CCDC3: variants seen among roughly 807,000 people sequenced by gnomAD.
CCDC3 encodes coiled-coil domain containing 3, also known as coiled-coil domain-containing protein 3.
CCDC3 carries 24 observed loss-of-function variants against 21.4 expected under a neutral mutation model. That is an observed-to-expected ratio of 1.12 (90% confidence interval 0.81 to 1.58). The LOEUF (loss-of-function observed/expected upper bound fraction) is 1.58. Ranked by LOEUF, CCDC3 falls within the 40% of genes most tolerant of loss-of-function variation. The pLI is 0.00. For missense variants in CCDC3, 425 were observed against 360.9 expected (o/e 1.18, Z -1.44); for synonymous variants, 186 against 166.0 (o/e 1.12, Z -0.93).
At chr10:12,955,876 A>G (rs999803907) in intron 2 of CCDC3, among the ~76,000 whole-genome samples, 2 of 151,970 alleles carry the variant, frequency 1.3e-5, no homozygotes, top group Admixed American at 1.3e-4. Flanking sequence ...TGCCTGGCTA[A>G]TTTTATATTT....
At chr10:12,979,670 C>A (rs1481291130) in intron 2 of CCDC3, among the ~76,000 whole-genome samples, 3 of 152,126 alleles carry the variant, frequency 2.0e-5, no homozygotes, top group Non-Finnish European at 2.9e-5. Context: ...CCACACCTGG[C>A]CCCCAAAACC....
At chr10:12,924,340 G>A (rs904656313) in intron 2 of CCDC3, among the ~76,000 whole-genome samples, 5 of 152,206 alleles carry the variant, frequency 3.3e-5, no homozygotes, top group African/African-American at 7.2e-5. Context: ...AACCGCTTTT[G>A]AGCAGAAATG....
At chr10:12,997,335 C>T (rs759046006) in intron 2 of CCDC3, among the ~76,000 whole-genome samples, 5 of 152,144 alleles carry the variant, frequency 3.3e-5, no homozygotes, top group East Asian at 1.9e-4. Context: ...TGTCTTCAAT[C>T]GGGGACCGGA....
upstream of CCDC3, among the ~76,000 whole-genome samples, chr10:13,002,755 G>A (rs368228206): frequency 4.6e-5 from 7 of 152,278 alleles, no homozygotes; most frequent in South Asian, 8.3e-4. Context: ...CTAGTCTGGT[G>A]GCTTAAATAA....
chr10:12,946,764 C>T (rs1335300991), intron 2 of CCDC3, among the ~76,000 whole-genome samples: 1 of 152,206 alleles, frequency 6.6e-6, no homozygotes, highest in East Asian at 1.9e-4. Flanking sequence ...GGTGTTCTTT[C>T]TTCATTCTGT....
intron 2 of CCDC3, among the ~76,000 whole-genome samples, chr10:12,970,984 CA>C (rs1309373187): frequency 2.0e-5 from 3 of 152,156 alleles, no homozygotes; most frequent in Non-Finnish European, 2.9e-5. Flanking sequence ...TTCTACTTCT[CA>C]ACGTTCATTT....
chr10:12,945,061 G>C (rs990411034), intron 2 of CCDC3, among the ~76,000 whole-genome samples: 2 of 152,112 alleles, frequency 1.3e-5, no homozygotes, highest in African/African-American at 4.8e-5. Context: ...AGAGACTAAA[G>C]ATAGCTGAAT....
intron 2 of CCDC3, among the ~76,000 whole-genome samples, chr10:12,899,042 G>A (rs747092548): frequency 6.6e-6 from 1 of 152,286 alleles, no homozygotes; most frequent in South Asian, 2.1e-4. Context: ...TCCGGGAATG[G>A]GGGGAGTCAG....
At chr10:13,040,329 C>G (rs889529982) in intron 5 of CCDC3, among the ~76,000 whole-genome samples, 1 of 152,130 alleles carries the variant, frequency 6.6e-6, no homozygotes, top group African/African-American at 2.4e-5. Context: ...GTTTGCCAGC[C>G]CAAGATAGGC....
intron 2 of CCDC3, among the ~76,000 whole-genome samples, chr10:12,911,784 T>C (rs990933217): frequency 6.6e-6 from 1 of 152,228 alleles, no homozygotes; most frequent in Non-Finnish European, 1.5e-5. Flanking sequence ...ACTGAAATAT[T>C]GTACCCTTTG....
chr10:12,948,467 G>GCACACACACACACA (rs35847630), intron 2 of CCDC3, among the ~76,000 whole-genome samples: 1 of 148,264 alleles, frequency 6.7e-6, no homozygotes, highest in Non-Finnish European at 1.5e-5. Flanking sequence ...GCAGACAATT[G>GCACACACACACACA]CACACACACA....
At chr10:12,962,489 GCTA>G (rs139538830) in intron 2 of CCDC3, among the ~76,000 whole-genome samples, 2,875 of 152,258 alleles carry the variant, frequency 0.019, 80 homozygotes, top group African/African-American at 0.065. Flanking sequence ...TGTAGTCCCA[GCTA>G]CTCAGGAGGC....
intron 5 of CCDC3, among the ~76,000 whole-genome samples, chr10:13,025,889 T>A (rs916919773): frequency 2.6e-5 from 4 of 152,150 alleles, no homozygotes; most frequent in Non-Finnish European, 4.4e-5. Context: ...ATATCTTTTT[T>A]AAAAAACTCA....
intron 5 of CCDC3, among the ~76,000 whole-genome samples, chr10:13,043,219 C>T (rs1836484825): frequency 6.6e-6 from 1 of 152,164 alleles, no homozygotes; most frequent in Non-Finnish European, 1.5e-5. Flanking sequence ...ATCCCTCTCC[C>T]TCTCCCTGAC....
intron 3 of CCDC3, among the ~76,000 whole-genome samples, chr10:13,078,861 G>T (rs1836998042): frequency 6.6e-6 from 1 of 151,944 alleles, no homozygotes; most frequent in African/African-American, 2.4e-5. Context: ...GGCCTGTCGT[G>T]GGGTGGGGGG....
chr10:13,039,029 A>G (rs568551805), intron 5 of CCDC3, among the ~76,000 whole-genome samples: 3 of 152,162 alleles, frequency 2.0e-5, no homozygotes, highest in Non-Finnish European at 4.4e-5. Flanking sequence ...CTTTGACAAA[A>G]TATCTCGGAG....
At chr10:13,024,369 C>A (rs1450645429) in intron 5 of CCDC3, among the ~76,000 whole-genome samples, 1 of 152,096 alleles carries the variant, frequency 6.6e-6, no homozygotes, top group Non-Finnish European at 1.5e-5. Context: ...GTGTTTGCAG[C>A]CTCTCTCTGG....
chr10:12,933,178 G>A (rs577219180), intron 2 of CCDC3, among the ~76,000 whole-genome samples: 1 of 152,214 alleles, frequency 6.6e-6, no homozygotes, highest in Admixed American at 6.5e-5. Flanking sequence ...GAATGAGTTA[G>A]GAGAGATTCC....
chr10:12,963,383 C>T (rs1424382982), intron 2 of CCDC3, among the ~76,000 whole-genome samples: 2 of 152,164 alleles, frequency 1.3e-5, no homozygotes, highest in Non-Finnish European at 2.9e-5. Context: ...ACCAAATCCA[C>T]ATGCTAATCC....
Sources: gnomAD v4.1 joint callset for allele counts (sites outside exome capture counted in the v4.1 genomes callset) on GRCh38, gnomAD v4.1.1 for gene constraint, MANE v1.5 for transcripts, NCBI Gene and HGNC (gene_info 2026-07-23, HGNC 2026-07-21) for gene names.